The following URI1 variants were observed in gnomAD, a reference collection of about 807,000 sequenced individuals.
The protein encoded by URI1 is URI1 prefoldin like chaperone.
URI1 carries 39 observed loss-of-function variants against 60.2 expected under a neutral mutation model. That is an observed-to-expected ratio of 0.65 (90% CI 0.50 to 0.85). The LOEUF (loss-of-function observed/expected upper bound fraction) is 0.85, where lower values mean the gene tolerates loss of function less well. Among genes scored for constraint, URI1 ranks in the 40% least tolerant of loss-of-function variants. The pLI, the probability that URI1 is intolerant of heterozygous loss-of-function variation, is 0.00. For synonymous variants in URI1, 251 were observed against 236.8 expected (o/e 1.06, Z -0.55); for missense variants, 691 against 665.9 (o/e 1.04, Z -0.42).
upstream of URI1, among the ~76,000 whole-genome samples, chr19:29,941,912 G>C (rs1038456337): frequency 6.6e-6 from 1 of 151,886 alleles, no homozygotes; most frequent in Non-Finnish European, 1.5e-5. Flanking sequence ...GGAGGGAGAT[G>C]GGGCACTCAA....
intron 6 of URI1, among the ~76,000 whole-genome samples, chr19:30,007,005 A>G (rs190083484): frequency 9.2e-5 from 14 of 152,192 alleles, no homozygotes; most frequent in South Asian, 4.1e-4. Flanking sequence ...AGTTTAAAGT[A>G]TCCTGTCACA....
chr19:29,970,475 GTCT>G lies in URI1; in HGVS notation c.118-713_118-711del, dbSNP rs757696926. Reference sequence around the variant, plus strand: ...AAATTGCATTTTTCTTTATTGTCTAGTCTTCTTATTTTCTGAGCATTTTGAGAA... The same window carrying G: ...AAATTGCATTTTTCTTTATTGTCTAGTCTTATTTTCTGAGCATTTTGAGAA... On this transcript the variant is annotated intron_variant, in intron 1 of 10. Coordinates refer to ENST00000392271, the MANE Select transcript of URI1 (RefSeq NM_003796.3). Among the ~76,000 whole-genome samples, 270 of 151,934 alleles carry G rather than the reference GTCT, an allele frequency of 1.8e-3. 1 individual carries two copies. The highest frequency in any genetic ancestry group is 4.0e-3 in the Admixed American group (61 of 15,252).
chr19:29,944,199 T>G (rs2055075456), intron 1 of URI1, among the ~76,000 whole-genome samples: 1 of 80,206 alleles, frequency 1.2e-5, no homozygotes, highest in South Asian at 4.1e-4. Context: ...ATATAAAACT[T>G]AACTAGTTTG....
At chr19:29,930,099 G>A (rs1173907187) in intron 1 of URI1, among the ~76,000 whole-genome samples, 1 of 151,644 alleles carries the variant, frequency 6.6e-6, no homozygotes, top group Admixed American at 6.6e-5. Flanking sequence ...CCCAACACCA[G>A]GCTAATTTTT....
chr19:29,997,689 A>AT (rs1485241513), intron 4 of URI1, among the ~76,000 whole-genome samples: 1 of 152,010 alleles, frequency 6.6e-6, no homozygotes, highest in Non-Finnish European at 1.5e-5. Flanking sequence ...ACAGCTATAA[A>AT]TATCTTTCTT....
Position 29,973,091 on chromosome 19 carries a change from A to G in URI1, c.152+1864A>G, listed in dbSNP as rs554779933. On this transcript the variant is annotated intron_variant, in intron 2 of 10. Transcript: ENST00000392271. ...TTCATTATATCAAAAAATTGAAACCAAAGTGTCACCATTTCCCTGAAAGCA... is the reference window on the plus strand; with the variant it reads ...TTCATTATATCAAAAAATTGAAACCGAAGTGTCACCATTTCCCTGAAAGCA... Among the ~76,000 whole-genome samples, 482 of 152,266 alleles carry G rather than the reference A, an allele frequency of 3.2e-3. 1 individual carries two copies. The highest frequency in any genetic ancestry group is 0.011 in the African/African-American group (467 of 41,570).
intron 2 of URI1, among the ~76,000 whole-genome samples, chr19:29,984,148 G>A (rs937625371): frequency 6.6e-6 from 1 of 152,142 alleles, no homozygotes. Context: ...TCTTTCGGCC[G>A]GGTGTGGTGG....
At position 30,015,292 on chromosome 19, in the gene URI1, C is replaced by T; in HGVS notation, c.*223C>T. 1 of 1,418,180 alleles carries T rather than the reference C, an allele frequency of 7.1e-7. No individual in the cohort carries two copies. The highest frequency in any genetic ancestry group is 1.4e-5 in the African/African-American group (1 of 69,564). The allele number at this position is 1,418,180 out of a possible 1,614,324, so 87.8% of individuals were successfully genotyped here. A position where few individuals can be genotyped will look rare whatever the true frequency, so the allele number is the denominator to read the frequency against. ...GTGAATTCTCTGAATACTGTCAACACTCTTATCTAAGTTTGCCTTTATGAT... is the reference window on the plus strand; with the variant it reads ...GTGAATTCTCTGAATACTGTCAACATTCTTATCTAAGTTTGCCTTTATGAT... On this transcript the variant is annotated 3_prime_UTR_variant, in exon 11 of 11. Coordinates refer to ENST00000392271, the MANE Select transcript of URI1 (RefSeq NM_003796.3).
chr19:29,980,171 A>T (rs984815363), intron 2 of URI1: 1 of 152,148 alleles, frequency 6.6e-6, no homozygotes, highest in Non-Finnish European at 1.5e-5. Context: ...GTGAAAAGCC[A>T]GGCATCCTTC....
chr19:29,926,682 A>T (rs2054871056), intron 1 of URI1, among the ~76,000 whole-genome samples: 1 of 152,232 alleles, frequency 6.6e-6, no homozygotes, highest in South Asian at 2.1e-4. Flanking sequence ...ATATGTGTTA[A>T]ACTGCAGTAC....
At chr19:29,924,122 CT>C (rs2054845332) in intron 1 of URI1, among the ~76,000 whole-genome samples, 1 of 152,096 alleles carries the variant, frequency 6.6e-6, no homozygotes, top group Non-Finnish European at 1.5e-5. Flanking sequence ...TATTTGGGCC[CT>C]CAGTGGATTG....
chr19:29,967,292 A>G (rs2055402624), intron 1 of URI1, among the ~76,000 whole-genome samples: 1 of 152,178 alleles, frequency 6.6e-6, no homozygotes. Flanking sequence ...ACAGAAAAAT[A>G]TTTTTGGATG....
upstream of URI1, among the ~76,000 whole-genome samples, chr19:29,940,469 T>C (rs1334535037): frequency 6.6e-6 from 1 of 152,042 alleles, no homozygotes; most frequent in African/African-American, 2.4e-5. Context: ...GCCAACATGG[T>C]GAAACCCTGT....
At chr19:29,940,777 G>A (rs930317895), upstream of URI1, among the ~76,000 whole-genome samples, 1 of 152,190 alleles carries the variant, frequency 6.6e-6, no homozygotes, top group Non-Finnish European at 1.5e-5. Flanking sequence ...CTTCCTACAG[G>A]CACAGGACTA....
At chr19:30,014,401 C>T (rs1176787947) in intron 10 of URI1, among the ~76,000 whole-genome samples, 1 of 152,162 alleles carries the variant, frequency 6.6e-6, no homozygotes, top group Non-Finnish European at 1.5e-5. Context: ...ATTGCATAAA[C>T]ACCACCAAAG....
Position 29,986,398 on chromosome 19 carries a change from A to G in URI1, c.348A>G (p.Leu116=), listed in dbSNP as rs761038782. The change falls in exon 4 of 11, where the codon TTA becomes TTG. Residue 116 remains leucine (L), a synonymous_variant. Transcript: ENST00000392271. The part of the protein sequence containing the change: ...AKCSAKQAVG[L]VEHRKEHVRK... ...GCTCAGCAAAGCAGGCTGTAGGTTT[A>G]GTTGAGCACCGGAAAGAACGTAGGT... is the stretch of plus-strand genomic sequence containing the variant. 2 of 1,608,458 alleles carry G rather than the reference A, an allele frequency of 1.2e-6. No individual in the cohort carries two copies. The highest frequency in any genetic ancestry group is 3.5e-5 in the Admixed American group (2 of 57,666).
chr19:29,989,096 T>A (rs2055709698), intron 4 of URI1, among the ~76,000 whole-genome samples: 1 of 152,086 alleles, frequency 6.6e-6, no homozygotes, highest in Non-Finnish European at 1.5e-5. Context: ...TTTAAAATAT[T>A]GGGTTATATA....
At chr19:29,942,707 C>A in intron 1 of URI1, 43 bp downstream of exon 1, 1 of 1,352,054 alleles carries the variant, frequency 7.4e-7, no homozygotes, top group Admixed American at 3.3e-5. Context: ...GCCCGCCGGG[C>A]TGCCCCTGCC....
chr19:29,950,261 T>TG lies in URI1; in HGVS notation c.117+7603dup, dbSNP rs552349630. Among the ~76,000 whole-genome samples, 26 of 152,256 alleles carry TG rather than the reference T, an allele frequency of 1.7e-4. No individual in the cohort carries two copies. The South Asian group carries it at 3.3e-3, about 19-fold the overall frequency. On this transcript the variant is annotated intron_variant, in intron 1 of 10. Coordinates refer to ENST00000392271, the MANE Select transcript of URI1 (RefSeq NM_003796.3). ...AAAGATGGTAATGGTCCCAAAACACTGGGGGGAAAGGGGGAAGAAGGTGCG... is the reference window on the plus strand; with the variant it reads ...AAAGATGGTAATGGTCCCAAAACACTGGGGGGGAAAGGGGGAAGAAGGTGCG...
Sources: gnomAD v4.1 joint callset for allele counts (sites outside exome capture counted in the v4.1 genomes callset) on GRCh38, gnomAD v4.1.1 for gene constraint, MANE v1.5 for transcripts, NCBI Gene and HGNC (gene_info 2026-07-23, HGNC 2026-07-21) for gene names.